The following MALRD1 variants were observed in gnomAD, a reference collection of about 807,000 sequenced individuals.
MALRD1 encodes MAM and LDL receptor class A domain containing 1.
MALRD1 carries 247 observed loss-of-function variants against 242.1 expected under a neutral mutation model. The observed-to-expected ratio is 1.02, with a 90% CI of 0.92 to 1.13. MALRD1 has a LOEUF of 1.13. Among genes scored for constraint, MALRD1 ranks in the 50% most tolerant of loss-of-function variants. The pLI, the probability that MALRD1 is intolerant of heterozygous loss-of-function variation, is 0.00. For missense variants in MALRD1, 2,989 were observed against 2,533.1 expected, an observed-to-expected ratio of 1.18 and a Z score of -3.86; for synonymous variants, 995 against 866.6, an observed-to-expected ratio of 1.15 and a Z score of -2.60.
intron 36 of MALRD1, among the ~76,000 whole-genome samples, chr10:19,658,683 T>C (rs186589813): frequency 2.1e-4 from 32 of 152,284 alleles, no homozygotes; most frequent in African/African-American, 7.7e-4. Context: ...GGCAGGGACT[T>C]GAACAAGAAG....
At chr10:19,204,843 AATAT>A in intron 16 of MALRD1, 51 bp from the exon 17 acceptor site, 7 of 1,452,952 alleles carry the variant, frequency 4.8e-6, no homozygotes, top group Non-Finnish European at 6.4e-6. Context: ...CTAAAGGTTA[AATAT>A]GTAGTCTATT....
intron 18 of MALRD1, among the ~76,000 whole-genome samples, chr10:19,247,679 A>C (rs1839122414): frequency 6.6e-6 from 1 of 152,092 alleles, no homozygotes; most frequent in African/African-American, 2.4e-5. Context: ...TAACATTAAC[A>C]TTATATTTTT....
intron 36 of MALRD1, among the ~76,000 whole-genome samples, chr10:19,640,006 A>G (rs949854266): frequency 2.6e-5 from 4 of 152,140 alleles, no homozygotes; most frequent in African/African-American, 9.7e-5. Flanking sequence ...CTTTCCCCCC[A>G]ATGCATAGGG....
intron 38 of MALRD1, among the ~76,000 whole-genome samples, chr10:19,696,475 C>T (rs942909152): frequency 3.3e-5 from 5 of 152,092 alleles, no homozygotes; most frequent in South Asian, 4.2e-4. Flanking sequence ...ATTATACAAC[C>T]GCCTGATGAA....
At chr10:19,613,687 T>C (rs1466654687) in intron 35 of MALRD1, among the ~76,000 whole-genome samples, 1 of 152,084 alleles carries the variant, frequency 6.6e-6, no homozygotes, top group Non-Finnish European at 1.5e-5. Flanking sequence ...ACATGAAACA[T>C]GACACTTTCC....
intron 18 of MALRD1, among the ~76,000 whole-genome samples, chr10:19,244,347 T>C (rs921920121): frequency 6.6e-6 from 1 of 151,994 alleles, no homozygotes; most frequent in Non-Finnish European, 1.5e-5. Context: ...TCAAGGCAGG[T>C]GGATTGCTTG....
intron 33 of MALRD1, among the ~76,000 whole-genome samples, chr10:19,590,115 A>G (rs1375583264): frequency 1.3e-5 from 2 of 152,084 alleles, no homozygotes; most frequent in African/African-American, 4.8e-5. Context: ...ATTTATCAAA[A>G]TGTTATGCAT....
chr10:19,672,513 T>A (rs1841969164), intron 36 of MALRD1, among the ~76,000 whole-genome samples: 1 of 149,960 alleles, frequency 6.7e-6, no homozygotes, highest in Admixed American at 6.7e-5. Flanking sequence ...AACCTCTGCC[T>A]CCTGGGTTCA....
intron 29 of MALRD1, among the ~76,000 whole-genome samples, chr10:19,475,022 CAT>C (rs1836665147): frequency 6.6e-6 from 1 of 152,236 alleles, no homozygotes; most frequent in African/African-American, 2.4e-5. Flanking sequence ...CTATTTATCA[CAT>C]GAGAAATATG....
chr10:19,289,564 C>T (rs559263510), intron 21 of MALRD1, among the ~76,000 whole-genome samples: 2 of 152,234 alleles, frequency 1.3e-5, no homozygotes, highest in South Asian at 4.1e-4. Flanking sequence ...AGCCTCTAAC[C>T]TTATATCTCC....
chr10:19,312,821 A>G (rs2131995375), intron 21 of MALRD1, among the ~76,000 whole-genome samples: 1 of 151,616 alleles, frequency 6.6e-6, no homozygotes, highest in South Asian at 2.1e-4. Context: ...TTCCTTTCAG[A>G]AGAATCTGGG....
At chr10:19,730,997 C>T (rs1293412439) in intron 39 of MALRD1, among the ~76,000 whole-genome samples, 1 of 152,278 alleles carries the variant, frequency 6.6e-6, no homozygotes, top group East Asian at 1.9e-4. Flanking sequence ...TTTCAGTCTG[C>T]TTGTAAGATC....
intron 28 of MALRD1, among the ~76,000 whole-genome samples, chr10:19,404,088 G>GA (rs1554765655): frequency 1.3e-5 from 2 of 151,944 alleles, no homozygotes; most frequent in East Asian, 1.9e-4. Flanking sequence ...AAAGCTTAGA[G>GA]AAAAAAATAC....
At chr10:19,510,583 A>G (rs903689297) in intron 31 of MALRD1, among the ~76,000 whole-genome samples, 1 of 152,230 alleles carries the variant, frequency 6.6e-6, no homozygotes, top group African/African-American at 2.4e-5. Flanking sequence ...CCCTAAATCC[A>G]TTAAACCTTG....
chr10:19,579,799 G>A (rs1837016694), intron 33 of MALRD1, among the ~76,000 whole-genome samples: 1 of 152,162 alleles, frequency 6.6e-6, no homozygotes, highest in African/African-American at 2.4e-5. Context: ...TGGGAAATGT[G>A]TGCTGGAAGA....
At chr10:19,703,463 C>T (rs923868286) in intron 38 of MALRD1, among the ~76,000 whole-genome samples, 3 of 152,180 alleles carry the variant, frequency 2.0e-5, no homozygotes, top group Non-Finnish European at 4.4e-5. Flanking sequence ...TCTTCTACAT[C>T]TATCCTCATG....
In MALRD1 at chr10:19,103,308, TC is replaced by T. The variant is rs537354097; in HGVS notation, c.598-668del. Among the ~76,000 whole-genome samples, 315 of 151,136 alleles carry T rather than the reference TC, an allele frequency of 2.1e-3. 2 individuals are homozygous for T. The highest frequency in any genetic ancestry group is 7.2e-3 in the African/African-American group (299 of 41,294). ...CAGGTGCGGTGGCTCAAGCCTGTAA[TC>T]CCAACACTTTGGGAGGCCGAGGCGG... On this transcript the variant is annotated intron_variant, in intron 4 of 39. Coordinates refer to ENST00000454679, the MANE Select transcript of MALRD1 (RefSeq NM_001142308.3).
intron 38 of MALRD1, among the ~76,000 whole-genome samples, chr10:19,700,002 C>A (rs1289166505): frequency 6.8e-6 from 1 of 147,828 alleles, no homozygotes; most frequent in East Asian, 2.0e-4. Flanking sequence ...ATAGAAGGGT[C>A]CCAAGTGAAA....
chr10:19,181,432 T>C (rs893676031), intron 14 of MALRD1, among the ~76,000 whole-genome samples: 28 of 152,202 alleles, frequency 1.8e-4, no homozygotes, highest in Admixed American at 1.8e-3. Flanking sequence ...GAGGAAATTA[T>C]GCTATGAAAT....
Sources: allele counts gnomAD v4.1 joint callset (sites outside exome capture counted in the v4.1 genomes callset), GRCh38; gene constraint gnomAD v4.1.1; transcripts MANE v1.5; gene names NCBI Gene and HGNC (gene_info 2026-07-23, HGNC 2026-07-21).